Variants in TACC1 observed in about 807,000 individuals in gnomAD.
The protein encoded by TACC1 is transforming acidic coiled-coil containing protein 1.
A neutral mutation model predicts 84.4 loss-of-function variants in TACC1; 48 were observed. The observed-to-expected ratio is 0.57, with a 90% CI of 0.45 to 0.72. The LOEUF is 0.72. TACC1 is among the 30% of genes least tolerant of loss of function. The pLI, the probability that TACC1 is intolerant of heterozygous loss-of-function variation, is 0.00. For synonymous variants in TACC1, 372 were observed against 376.3 expected, an observed-to-expected ratio of 0.99 and a Z score of 0.13; for missense variants, 920 against 973.0, an observed-to-expected ratio of 0.95 and a Z score of 0.72.
In TACC1 at chr8:38,851,921, G is replaced by A. The variant is rs752531821; in HGVS notation, c.*3898G>A. 9 of 451,138 alleles carry A rather than the reference G, an allele frequency of 2.0e-5. No individual in the cohort carries two copies. Among genetic ancestry groups the A allele is most frequent in the Non-Finnish European group, 3.6e-5 (8 of 223,646 alleles). The allele number at this position is 451,138 out of a possible 1,614,324, so 27.9% of individuals were successfully genotyped here. The stretch of plus-strand genomic sequence containing the variant: ...AAAGAAGTATTTCGAGGAGATATCT[G>A]TCCAAAAAGGTTTGACTGGCCTCCA... On this transcript the variant is annotated 3_prime_UTR_variant, in exon 13 of 13. Coordinates refer to ENST00000317827, the MANE Select transcript of TACC1 (RefSeq NM_006283.3).
At position 38,742,265 on chromosome 8, in the gene TACC1, G is replaced by C; in HGVS notation, c.-674-86G>C. 3 of 511,886 alleles carry C rather than the reference G, an allele frequency of 5.9e-6. No individual in the cohort carries two copies. The East Asian group carries it at 9.8e-5, about 17-fold the overall frequency. The allele number at this position is 511,886 out of a possible 1,614,324, so 31.7% of individuals were successfully genotyped here. A position where few individuals can be genotyped will look rare whatever the true frequency, so the allele number is the denominator to read the frequency against. The stretch of plus-strand genomic sequence containing the variant: ...ACTGCAGAGGAATTTCTGAAAGTGA[G>C]CCTTAGGCAAAAGGTTGGAAACTTG... On this transcript the variant is annotated intron_variant, in intron 1 of 14. Coordinates refer to the TACC1 transcript ENST00000518415.
chr8:38,763,450 C>T lies in TACC1; in HGVS notation c.26+17957C>T, dbSNP rs905743727. On this transcript the variant is annotated intron_variant, in intron 3 of 14. Transcript: ENST00000518415. The stretch of plus-strand genomic sequence containing the variant: ...AAGATTACAGGTGTGAGCCACCATG[C>T]CCGGCCTCATTTTGTTTTAGCATAA... 5.9e-5 allele frequency among the ~76,000 whole-genome samples: 9 copies of T among 152,180 alleles called. No homozygotes were observed. The East Asian group carries it at 1.7e-3, about 29-fold the overall frequency.
chr8:38,831,854 T>G (rs1829322550), intron 6 of TACC1, among the ~76,000 whole-genome samples: 1 of 151,722 alleles, frequency 6.6e-6, no homozygotes, highest in Non-Finnish European at 1.5e-5. Flanking sequence ...TCACCCAGGT[T>G]GGAGTACAGT....
At position 38,775,288 on chromosome 8, in the gene TACC1, C is replaced by T. The variant is rs746822403; in HGVS notation, c.27-13416C>T. Among the ~76,000 whole-genome samples the T allele has an allele frequency of 4.6e-5, 7 of 152,124 alleles. No individual in the cohort carries two copies. In the East Asian group the frequency reaches 7.7e-4, roughly 17 times the overall value. On this transcript the variant is annotated intron_variant, in intron 3 of 14. Transcript: ENST00000518415. The stretch of plus-strand genomic sequence containing the variant: ...ACCTTCTTCCAAAAAGAATGATATT[C>T]GACCCAGTGATCTTTGGCAAAGGTC...
At chr8:38,770,614 G>A (rs1813411088) in intron 3 of TACC1, among the ~76,000 whole-genome samples, 1 of 152,180 alleles carries the variant, frequency 6.6e-6, no homozygotes, top group Non-Finnish European at 1.5e-5. Flanking sequence ...TGCCCTTGGA[G>A]TGCCCTGCTC....
intron 3 of TACC1, among the ~76,000 whole-genome samples, chr8:38,769,475 G>A (rs1813043765): frequency 6.8e-6 from 1 of 146,428 alleles, no homozygotes; most frequent in Non-Finnish European, 1.5e-5. Flanking sequence ...GTGTGTGTGA[G>A]ACTGGGTATG....
intron 1 of TACC1, 56 bp downstream of exon 1, chr8:38,787,799 G>C (rs1817632363): frequency 2.0e-5 from 29 of 1,428,392 alleles, no homozygotes; most frequent in Admixed American, 2.8e-5. Flanking sequence ...ATCCATCTGC[G>C]ACTCCCTCTG....
intron 4 of TACC1, among the ~76,000 whole-genome samples, chr8:38,826,118 T>G (rs1471771397): frequency 6.6e-6 from 1 of 152,196 alleles, no homozygotes; most frequent in Non-Finnish European, 1.5e-5. Context: ...CATTCATTGG[T>G]TAATAGAGTT....
chr8:38,794,823 A>T (rs561939067), intron 2 of TACC1, among the ~76,000 whole-genome samples: 62 of 152,258 alleles, frequency 4.1e-4, no homozygotes, highest in Non-Finnish European at 7.6e-4. Context: ...ACTAATTAGG[A>T]CCTTTCATAT....
chr8:38,823,878 A>G, intron 3 of TACC1: 1 of 718,516 alleles, frequency 1.4e-6, no homozygotes, highest in South Asian at 1.4e-5. Flanking sequence ...TCATAGAAAG[A>G]ATTGTGCAGC....
intron 8 of TACC1, 30 bp from the exon 9 acceptor site, chr8:38,840,194 C>T (rs764902821): frequency 1.3e-6 from 2 of 1,567,246 alleles, no homozygotes; most frequent in Non-Finnish European, 1.8e-6. Context: ...AAATCCTCCT[C>T]TGGTAATAAG....
At chr8:38,793,683 G>A (rs183420393) in intron 2 of TACC1, among the ~76,000 whole-genome samples, 1 of 152,208 alleles carries the variant, frequency 6.6e-6, no homozygotes, top group East Asian at 1.9e-4. Context: ...GCTCAAGTAA[G>A]TGATCCTCCC....
At chr8:38,730,426 T>A (rs1314842988) in intron 1 of TACC1, among the ~76,000 whole-genome samples, 1 of 152,264 alleles carries the variant, frequency 6.6e-6, no homozygotes, top group Non-Finnish European at 1.5e-5. Context: ...ACATGATCAA[T>A]AATTGTAACA....
chr8:38,781,027 A>G (rs1219347655), intron 3 of TACC1, among the ~76,000 whole-genome samples: 1 of 152,146 alleles, frequency 6.6e-6, no homozygotes, highest in Non-Finnish European at 1.5e-5. Context: ...TTGGTGTCAC[A>G]GTTATTTTTG....
chr8:38,784,390 A>AC (rs1816711930), upstream of TACC1, among the ~76,000 whole-genome samples: 1 of 151,686 alleles, frequency 6.6e-6, no homozygotes. Flanking sequence ...ACATGATGAA[A>AC]CCCCGTCTCT....
At chr8:38,834,775 T>C (rs925768450) in intron 6 of TACC1, among the ~76,000 whole-genome samples, 3 of 152,136 alleles carry the variant, frequency 2.0e-5, no homozygotes, top group African/African-American at 7.2e-5. Context: ...CTCTGAAAAA[T>C]TTAAAAGCCA....
chr8:38,764,109 ACT>A (rs1443904113), intron 3 of TACC1, among the ~76,000 whole-genome samples: 1 of 151,858 alleles, frequency 6.6e-6, no homozygotes, highest in African/African-American at 2.4e-5. Flanking sequence ...ACTGAATCTC[ACT>A]CTGTCACCCA....
At position 38,821,621 on chromosome 8, in the gene TACC1, A is replaced by C. The variant is rs1454928674; in HGVS notation, c.1391+986A>C. The stretch of plus-strand genomic sequence containing the variant: ...TAGTCAATCCCCCATCTCTCCTGGG[A>C]AATTATCTGACTTTTGCAAGGTCCT... On this transcript the variant is annotated intron_variant, in intron 3 of 12. Transcript: ENST00000317827. Among the ~76,000 whole-genome samples the C allele has an allele frequency of 3.3e-5, 5 of 152,356 alleles. No individual in the cohort carries two copies. The East Asian group carries it at 9.6e-4, about 29-fold the overall frequency.
intron 1 of TACC1, among the ~76,000 whole-genome samples, chr8:38,741,520 T>C (rs1398339146): frequency 6.6e-6 from 1 of 152,184 alleles, no homozygotes; most frequent in Middle Eastern, 3.2e-3. Flanking sequence ...GGCTCACAAA[T>C]TAAAGAGCTT....
Sources: allele counts gnomAD v4.1 joint callset (sites outside exome capture counted in the v4.1 genomes callset), GRCh38; gene constraint gnomAD v4.1.1; transcripts MANE v1.5; gene names NCBI Gene and HGNC (gene_info 2026-07-23, HGNC 2026-07-21).